GPR39: variants seen among roughly 807,000 people sequenced by gnomAD.
GPR39 encodes G protein-coupled receptor 39.
A neutral mutation model predicts 18.4 loss-of-function variants in GPR39; 23 were observed. That is an observed-to-expected ratio of 1.25 (90% CI 0.90 to 1.77). The LOEUF (loss-of-function observed/expected upper bound fraction) is 1.77, where lower values mean the gene tolerates loss of function less well. Ranked by LOEUF, GPR39 falls within the 40% of genes most tolerant of loss-of-function variation. GPR39 has a pLI of 0.00. For synonymous variants in GPR39, 280 were observed against 257.9 expected (o/e 1.09, Z -0.82); for missense variants, 647 against 602.4 (o/e 1.07, Z -0.78).
chr2:132,438,476 C>T (rs955062068), intron 1 of GPR39, among the ~76,000 whole-genome samples: 4 of 151,668 alleles, frequency 2.6e-5, no homozygotes, highest in Non-Finnish European at 4.4e-5. Context: ...AGGTCACTGG[C>T]AGACAACCAC....
intron 1 of GPR39, among the ~76,000 whole-genome samples, chr2:132,506,640 A>G (rs1404456755): frequency 6.6e-6 from 1 of 152,180 alleles, no homozygotes; most frequent in East Asian, 1.9e-4. Context: ...TGTTCAGCGA[A>G]GGGGGAAGGC....
At chr2:132,421,785 C>A (rs1680013970) in intron 1 of GPR39, among the ~76,000 whole-genome samples, 1 of 151,910 alleles carries the variant, frequency 6.6e-6, no homozygotes, top group Admixed American at 6.6e-5. Flanking sequence ...GGTTTTTAGA[C>A]CACAGAATTA....
intron 1 of GPR39, among the ~76,000 whole-genome samples, chr2:132,436,957 C>A (rs1310787709): frequency 6.6e-6 from 1 of 152,178 alleles, no homozygotes; most frequent in Non-Finnish European, 1.5e-5. Flanking sequence ...TTGAATTCTC[C>A]CAAGGCCCTA....
chr2:132,489,211 T>G (rs929324963), intron 1 of GPR39: 3 of 208,634 alleles, frequency 1.4e-5, no homozygotes, highest in African/African-American at 4.7e-5. Context: ...TTCCTCTTGG[T>G]GAAACCATAT....
chr2:132,474,864 T>A (rs955070152), intron 1 of GPR39, among the ~76,000 whole-genome samples: 1 of 152,220 alleles, frequency 6.6e-6, no homozygotes, highest in African/African-American at 2.4e-5. Flanking sequence ...TCAATGATTC[T>A]TGTGCCCCCT....
intron 1 of GPR39, among the ~76,000 whole-genome samples, chr2:132,633,635 G>T (rs764206168): frequency 7.2e-5 from 11 of 152,188 alleles, no homozygotes; most frequent in Non-Finnish European, 1.5e-4. Flanking sequence ...AGTGGTCTTG[G>T]TGACAGTGAT....
At chr2:132,476,910 T>A (rs984011373) in intron 1 of GPR39, among the ~76,000 whole-genome samples, 1 of 152,122 alleles carries the variant, frequency 6.6e-6, no homozygotes, top group South Asian at 2.1e-4. Flanking sequence ...CTCCTCTGTG[T>A]AGACACTCCA....
At position 132,467,792 on chromosome 2, in the gene GPR39, G is replaced by A. The variant is rs548682037; in HGVS notation, c.856+49894G>A. Among the ~76,000 whole-genome samples, 7 of 152,252 alleles carry A rather than the reference G, an allele frequency of 4.6e-5. No individual in the cohort carries two copies. In the South Asian group the frequency reaches 1.2e-3, roughly 27 times the overall value. The stretch of plus-strand genomic sequence containing the variant: ...AGAACAGTTAGGAAGGTTTTCTGGA[G>A]GAAGCCAGAATGAAACTGGGATACA... On this transcript the variant is annotated intron_variant, in intron 1 of 1. Coordinates refer to ENST00000329321, the MANE Select transcript of GPR39 (RefSeq NM_001508.3).
chr2:132,627,777 G>T (rs1681579017), intron 1 of GPR39, among the ~76,000 whole-genome samples: 1 of 152,162 alleles, frequency 6.6e-6, no homozygotes, highest in South Asian at 2.1e-4. Context: ...AGGAGAAAAA[G>T]ATCTAGCTTG....
At chr2:132,524,146 G>A (rs1478626373) in intron 1 of GPR39, among the ~76,000 whole-genome samples, 2 of 152,182 alleles carry the variant, frequency 1.3e-5, no homozygotes, top group Non-Finnish European at 2.9e-5. Context: ...AGTCACAGTG[G>A]CCACTGCTGT....
In GPR39 at chr2:132,427,388, C is replaced by T. The variant is rs970357678; in HGVS notation, c.856+9490C>T. The stretch of plus-strand genomic sequence containing the variant: ...TTTCACTGTGTTAGCCAGGATGTCT[C>T]GATCTCCTGACCTCGTGATCCACCC... On this transcript the variant is annotated intron_variant, in intron 1 of 1. Transcript: ENST00000329321. Among the ~76,000 whole-genome samples the T allele has an allele frequency of 6.0e-5, 9 of 149,948 alleles. No homozygotes were observed. The East Asian group carries it at 9.8e-4, about 16-fold the overall frequency.
At chr2:132,440,162 C>T (rs1299028068) in intron 1 of GPR39, among the ~76,000 whole-genome samples, 1 of 152,094 alleles carries the variant, frequency 6.6e-6, no homozygotes, top group Non-Finnish European at 1.5e-5. Context: ...GGTCACGGAC[C>T]CTAGCCATCT....
chr2:132,504,277 C>G (rs1679097902), intron 1 of GPR39, among the ~76,000 whole-genome samples: 1 of 152,200 alleles, frequency 6.6e-6, no homozygotes, highest in Non-Finnish European at 1.5e-5. Flanking sequence ...CATCATTCAT[C>G]TCCTCTTGCC....
chr2:132,456,904 C>T (rs960377700), intron 1 of GPR39, among the ~76,000 whole-genome samples: 1 of 152,144 alleles, frequency 6.6e-6, no homozygotes. Context: ...CTCTGGCTGC[C>T]CTTAACACTT....
intron 1 of GPR39, among the ~76,000 whole-genome samples, chr2:132,611,385 C>T (rs1451507346): frequency 6.6e-6 from 1 of 152,198 alleles, no homozygotes; most frequent in Non-Finnish European, 1.5e-5. Flanking sequence ...GTAAAGCACT[C>T]TTTCTCACTG....
At chr2:132,511,729 C>T (rs751079387) in intron 1 of GPR39, among the ~76,000 whole-genome samples, 10 of 152,146 alleles carry the variant, frequency 6.6e-5, no homozygotes, top group African/African-American at 1.4e-4. Context: ...ATATGTACTA[C>T]GTGCCAGGCA....
chr2:132,569,578 GAGTCC>G (rs996688904), intron 1 of GPR39, among the ~76,000 whole-genome samples: 2 of 147,964 alleles, frequency 1.4e-5, no homozygotes, highest in African/African-American at 2.5e-5. Flanking sequence ...CTGAGTTCTG[GAGTCC>G]AGTGTCACCT....
rs146007877 is a variant in GPR39 at position 132,506,047 on chromosome 2, C to A, written c.856+88149C>A. ...TGTATCAGCTCCCTTTTCTCTGTAT[C>A]CTTGCCAACTCTGTTATTTTTTGTC... On this transcript the variant is annotated intron_variant, in intron 1 of 1. Transcript: ENST00000329321. 2.0e-3 allele frequency among the ~76,000 whole-genome samples: 297 copies of A among 152,230 alleles called. 1 individual carries two copies. The highest frequency in any genetic ancestry group is 6.5e-3 in the African/African-American group (271 of 41,540).
Position 132,581,356 on chromosome 2 carries a change from G to A in GPR39, c.857-63745G>A, listed in dbSNP as rs115383729. ...AGTGACTTTTTTTTTTTTTTTGGAA[G>A]AGAATGATCTTGGTTAAATTTAGCA... On this transcript the variant is annotated intron_variant, in intron 1 of 1. Coordinates refer to ENST00000329321, the MANE Select transcript of GPR39 (RefSeq NM_001508.3). Among the ~76,000 whole-genome samples the A allele has an allele frequency of 6.8e-3, 1,010 of 147,820 alleles. 16 individuals carry two copies. The highest frequency in any genetic ancestry group is 0.024 in the African/African-American group (978 of 40,412).
Sources: gnomAD v4.1 joint callset for allele counts (sites outside exome capture counted in the v4.1 genomes callset) on GRCh38, gnomAD v4.1.1 for gene constraint, MANE v1.5 for transcripts, NCBI Gene and HGNC (gene_info 2026-07-23, HGNC 2026-07-21) for gene names.